LARGE1: variants seen among roughly 807,000 people sequenced by gnomAD.
LARGE1 encodes the protein xylosyl- and glucuronyltransferase LARGE1.
In LARGE1, 43 loss-of-function variants were observed where a neutral mutation model predicts 87.6. The ratio of observed to expected loss-of-function variants is 0.49; its 90% CI spans 0.38 to 0.63. The LOEUF (loss-of-function observed/expected upper bound fraction) is 0.63, where lower values mean the gene tolerates loss of function less well. Ranked by LOEUF, LARGE1 falls within the 30% of genes least tolerant of loss-of-function variation. The pLI, the probability that LARGE1 is intolerant of heterozygous loss-of-function variation, is 0.00. For synonymous variants in LARGE1, 434 were observed against 394.6 expected, an observed-to-expected ratio of 1.10 and a Z score of -1.18; for missense variants, 802 against 1,000.2, an observed-to-expected ratio of 0.80 and a Z score of 2.67.
At chr22:33,232,881 A>G (rs1262005738) in intron 11 of LARGE1, among the ~76,000 whole-genome samples, 2 of 152,188 alleles carry the variant, frequency 1.3e-5, no homozygotes, top group Admixed American at 6.5e-5. Context: ...GAGAAAAATG[A>G]GAAAATGACT....
At chr22:33,663,350 C>G (rs1397693677) in intron 2 of LARGE1, among the ~76,000 whole-genome samples, 1 of 152,076 alleles carries the variant, frequency 6.6e-6, no homozygotes, top group South Asian at 2.1e-4. Context: ...AGTCCTACAC[C>G]GGAGAGTTTT....
intron 1 of LARGE1, among the ~76,000 whole-genome samples, chr22:33,913,837 T>C (rs1428471410): frequency 6.6e-6 from 1 of 152,118 alleles, no homozygotes; most frequent in Non-Finnish European, 1.5e-5. Context: ...GGTGAGCCAC[T>C]GTGCCCAACC....
Position 33,464,950 on chromosome 22 carries a change from T to C in LARGE1, c.788-32685A>G, listed in dbSNP as rs12160494. ...ATGCACGTACACATACACACACACA[T>C]ACACACACACATTCTCTAACCCACT... On this transcript the variant is annotated intron_variant, in intron 6 of 14. Transcript: ENST00000397394. Among the ~76,000 whole-genome samples, 67 of 151,324 alleles carry C rather than the reference T, an allele frequency of 4.4e-4. 1 individual carries two copies. The highest frequency in any genetic ancestry group is 3.4e-3 in the Middle Eastern group (1 of 294).
chr22:33,678,077 T>A (rs772815340), intron 2 of LARGE1, among the ~76,000 whole-genome samples: 1 of 152,178 alleles, frequency 6.6e-6, no homozygotes, highest in Non-Finnish European at 1.5e-5. Context: ...AAAAACGCAT[T>A]TGTAAAATTT....
chr22:33,313,215 G>A (rs955052409), intron 11 of LARGE1, among the ~76,000 whole-genome samples: 1 of 151,788 alleles, frequency 6.6e-6, no homozygotes, highest in Non-Finnish European at 1.5e-5. Flanking sequence ...TCTCTGTCCC[G>A]TGAACATGCT....
chr22:33,846,629 T>G (rs1228612060), intron 1 of LARGE1, among the ~76,000 whole-genome samples: 1 of 152,196 alleles, frequency 6.6e-6, no homozygotes, highest in African/African-American at 2.4e-5. Context: ...GGGAGAAATA[T>G]CACTGAATTC....
intron 2 of LARGE1, among the ~76,000 whole-genome samples, chr22:33,758,566 C>A (rs965248043): frequency 6.6e-6 from 1 of 152,186 alleles, no homozygotes; most frequent in African/African-American, 2.4e-5. Context: ...CACCTACACC[C>A]AGTCTGTCAT....
chr22:33,815,995 T>C (rs1427965825), intron 1 of LARGE1, among the ~76,000 whole-genome samples: 1 of 152,160 alleles, frequency 6.6e-6, no homozygotes, highest in Non-Finnish European at 1.5e-5. Context: ...TGAGTCCAAT[T>C]ATCTCCAAAC....
At chr22:33,840,101 G>A (rs2063233312) in intron 1 of LARGE1, among the ~76,000 whole-genome samples, 2 of 152,172 alleles carry the variant, frequency 1.3e-5, no homozygotes, top group African/African-American at 4.8e-5. Context: ...ACAGGAAAAT[G>A]AATACGCAGG....
At chr22:33,706,477 C>T (rs1162781858) in intron 2 of LARGE1, among the ~76,000 whole-genome samples, 1 of 152,196 alleles carries the variant, frequency 6.6e-6, no homozygotes, top group Non-Finnish European at 1.5e-5. Flanking sequence ...AAAGAAGCCA[C>T]AGGTTCAAGT....
At position 33,201,431 on chromosome 22, in the gene LARGE1, AGAAG is replaced by A. The variant is rs201746610; in HGVS notation, c.1731-34603_1731-34600del. The stretch of plus-strand genomic sequence containing the variant: ...GAAAAAGAAGGAAGGAAGGAAGGAA[AGAAG>A]GAAGGAAGGAAGGGAGGAGAAAAGA... On this transcript the variant is annotated intron_variant, in intron 11 of 11. Transcript: ENST00000608642. 2.0e-4 allele frequency among the ~76,000 whole-genome samples: 19 copies of A among 96,738 alleles called. 1 individual carries two copies. The highest frequency in any genetic ancestry group is 1.1e-3 in the East Asian group (5 of 4,360). 63.5% of individuals were successfully genotyped at this position (96,738 alleles called of 152,430 possible). A position where few individuals can be genotyped will look rare whatever the true frequency, so the allele number is the denominator to read the frequency against.
chr22:33,594,717 C>T (rs918883369), intron 5 of LARGE1, among the ~76,000 whole-genome samples: 1 of 152,218 alleles, frequency 6.6e-6, no homozygotes, highest in African/African-American at 2.4e-5. Flanking sequence ...AGCGATTCTC[C>T]TGCCTTGGCC....
At chr22:33,133,983 C>A in the LARGE1 span, among the ~76,000 whole-genome samples, 3 of 152,048 alleles carry the variant, frequency 2.0e-5, no homozygotes, top group African/African-American at 7.2e-5. Context: ...TAAGAAAAAA[C>A]CATGTTCAGG....
chr22:33,434,705 T>TAAA (rs1274884575), intron 6 of LARGE1, among the ~76,000 whole-genome samples: 22 of 152,322 alleles, frequency 1.4e-4, no homozygotes, highest in African/African-American at 5.1e-4. Flanking sequence ...CCATACATTT[T>TAAA]ATTTTGCCTG....
chr22:33,296,758 G>A (rs1933332783), intron 12 of LARGE1, among the ~76,000 whole-genome samples: 2 of 151,928 alleles, frequency 1.3e-5, no homozygotes, highest in South Asian at 2.1e-4. Flanking sequence ...TAGTTGAGAC[G>A]GGGTTTCTCC....
intron 3 of LARGE1, among the ~76,000 whole-genome samples, chr22:33,644,459 T>C (rs1602940208): frequency 6.6e-6 from 1 of 152,336 alleles, no homozygotes; most frequent in African/African-American, 2.4e-5. Context: ...AATATCATAC[T>C]GAATGGGCAA....
At chr22:33,437,793 C>G (rs1482422845) in intron 6 of LARGE1, among the ~76,000 whole-genome samples, 1 of 152,078 alleles carries the variant, frequency 6.6e-6, no homozygotes, top group African/African-American at 2.4e-5. Flanking sequence ...TAGTTCTTGC[C>G]CTGGGGGCAG....
At chr22:33,417,729 C>T (rs2066550932) in intron 7 of LARGE1, among the ~76,000 whole-genome samples, 2 of 152,210 alleles carry the variant, frequency 1.3e-5, no homozygotes, top group African/African-American at 4.8e-5. Flanking sequence ...TAAGCTCATC[C>T]AGGTTGTTGG....
chr22:33,270,829 G>A (rs530538373), downstream of LARGE1, among the ~76,000 whole-genome samples: 3 of 152,298 alleles, frequency 2.0e-5, no homozygotes, highest in South Asian at 6.2e-4. Flanking sequence ...GGCACAAAGA[G>A]GCTATTAGTC....
Sources: gnomAD v4.1 joint callset for allele counts (sites outside exome capture counted in the v4.1 genomes callset) on GRCh38, gnomAD v4.1.1 for gene constraint, MANE v1.5 for transcripts, NCBI Gene and HGNC (gene_info 2026-07-23, HGNC 2026-07-21) for gene names.